The following FBXW7 variants were observed in gnomAD, a reference collection of about 807,000 sequenced individuals.
The protein encoded by FBXW7 is F-box/WD repeat-containing protein 7.
In FBXW7, 11 loss-of-function variants were observed where a neutral mutation model predicts 86.3. The ratio of observed to expected loss-of-function variants is 0.13; its 90% CI spans 0.08 to 0.21. The LOEUF (loss-of-function observed/expected upper bound fraction) is 0.21, where lower values mean the gene tolerates loss of function less well. Among genes scored for constraint, FBXW7 ranks in the 10% least tolerant of loss-of-function variants. The pLI, the probability that FBXW7 is intolerant of heterozygous loss-of-function variation, is 1.00. For synonymous variants in FBXW7, 313 were observed against 297.9 expected, an observed-to-expected ratio of 1.05 and a Z score of -0.52; for missense variants, 488 against 847.4, an observed-to-expected ratio of 0.58 and a Z score of 5.27.
chr4:152,330,952 A>T, intron 8 of FBXW7, 84 bp from the exon 9 acceptor site: 1 of 1,371,050 alleles, frequency 7.3e-7, no homozygotes, highest in Non-Finnish European at 9.9e-7. Context: ...CTTTATAAAG[A>T]GTATTCCATC....
intron 4 of FBXW7, among the ~76,000 whole-genome samples, chr4:152,392,091 A>G (rs1736043098): frequency 6.6e-6 from 1 of 152,206 alleles, no homozygotes; most frequent in Non-Finnish European, 1.5e-5. Context: ...AAACAGGAAT[A>G]ACATCAAAGA....
chr4:152,456,381 A>C (rs1315387294), intron 2 of FBXW7, among the ~76,000 whole-genome samples: 4 of 150,012 alleles, frequency 2.7e-5, no homozygotes, highest in African/African-American at 7.3e-5. Flanking sequence ...AAAAAAAAAA[A>C]AAAAAACAGC....
At chr4:152,449,390 A>T (rs1741706529) in intron 2 of FBXW7, among the ~76,000 whole-genome samples, 1 of 152,206 alleles carries the variant, frequency 6.6e-6, no homozygotes, top group Non-Finnish European at 1.5e-5. Flanking sequence ...TAACTGAATA[A>T]AATATACAAG....
At chr4:152,357,094 A>T (rs1578978828) in intron 4 of FBXW7, among the ~76,000 whole-genome samples, 1 of 152,182 alleles carries the variant, frequency 6.6e-6, no homozygotes, top group Non-Finnish European at 1.5e-5. Context: ...CTTTAGTTCA[A>T]AACTACCATC....
At chr4:152,348,565 T>C (rs1190392110) in intron 5 of FBXW7, 4 of 194,490 alleles carry the variant, frequency 2.1e-5, no homozygotes, top group Non-Finnish European at 3.1e-5. Context: ...GCTTTGTCAA[T>C]ATAAAAAGTG....
chr4:152,408,528 G>C (rs1737637173), intron 4 of FBXW7, among the ~76,000 whole-genome samples: 1 of 152,154 alleles, frequency 6.6e-6, no homozygotes, highest in Non-Finnish European at 1.5e-5. Flanking sequence ...ATTTGTTCCT[G>C]ATTACTTTAG....
Position 152,382,754 on chromosome 4 carries a change from AC to A in FBXW7, c.501+28548del, listed in dbSNP as rs1248531666. On this transcript the variant is annotated intron_variant, in intron 4 of 13. Transcript: ENST00000281708. Reference sequence around the variant, plus strand: ...TACTTACAAAAATAAAATAAAAAAAACAAACATTGTATCTTGAGTATCTATT... The same window carrying A: ...TACTTACAAAAATAAAATAAAAAAAAAAACATTGTATCTTGAGTATCTATT... Among the ~76,000 whole-genome samples the A allele has an allele frequency of 4.6e-5, 7 of 152,172 alleles. No individual in the cohort carries two copies. The East Asian group carries it at 5.8e-4, about 13-fold the overall frequency.
At chr4:152,424,178 T>TA (rs1739178179) in intron 2 of FBXW7, among the ~76,000 whole-genome samples, 1 of 152,132 alleles carries the variant, frequency 6.6e-6, no homozygotes, top group Admixed American at 6.5e-5. Flanking sequence ...GGAAGCTGCT[T>TA]ATTTTAAAAT....
intron 2 of FBXW7, among the ~76,000 whole-genome samples, chr4:152,515,729 G>C (rs1361854794): frequency 6.7e-6 from 1 of 150,320 alleles, no homozygotes; most frequent in African/African-American, 2.4e-5. Context: ...CAGATATTGT[G>C]GCTGGAAGAA....
At chr4:152,343,809 G>C (rs1730982372) in intron 6 of FBXW7, among the ~76,000 whole-genome samples, 1 of 151,620 alleles carries the variant, frequency 6.6e-6, no homozygotes, top group Non-Finnish European at 1.5e-5. Flanking sequence ...AAATTCAAAT[G>C]GTATAAACTT....
chr4:152,405,004 A>C (rs148234576), intron 4 of FBXW7, among the ~76,000 whole-genome samples: 2,070 of 147,874 alleles, frequency 0.014, 26 homozygotes, highest in Middle Eastern at 0.038. Context: ...AGGTGGGAGA[A>C]TTGCTTAAGC....
chr4:152,482,059 A>C (rs533137115), intron 2 of FBXW7, among the ~76,000 whole-genome samples: 1 of 152,310 alleles, frequency 6.6e-6, no homozygotes, highest in African/African-American at 2.4e-5. Context: ...TATTTCATCA[A>C]AGAATAATTG....
At chr4:152,513,751 T>A (rs1343189279) in intron 2 of FBXW7, among the ~76,000 whole-genome samples, 1 of 152,216 alleles carries the variant, frequency 6.6e-6, no homozygotes, top group East Asian at 1.9e-4. Flanking sequence ...AATAAAAAAC[T>A]TTACATCTCA....
At chr4:152,405,465 T>C (rs2126856298) in intron 4 of FBXW7, among the ~76,000 whole-genome samples, 1 of 152,238 alleles carries the variant, frequency 6.6e-6, no homozygotes, top group Middle Eastern at 3.4e-3. Context: ...TGGTAAGATA[T>C]TGGAAGACTT....
intron 2 of FBXW7, among the ~76,000 whole-genome samples, chr4:152,494,618 AG>A (rs1054952455): frequency 2.0e-5 from 3 of 152,200 alleles, no homozygotes; most frequent in Admixed American, 2.0e-4. Flanking sequence ...AAAAATCAGT[AG>A]ATTTGAGGAG....
chr4:152,465,477 T>C (rs1743321590), intron 2 of FBXW7, among the ~76,000 whole-genome samples: 1 of 152,180 alleles, frequency 6.6e-6, no homozygotes. Context: ...AATAAGTTTT[T>C]CATTTCCTTT....
At chr4:152,478,722 C>T (rs764726514) in intron 2 of FBXW7, among the ~76,000 whole-genome samples, 2 of 152,070 alleles carry the variant, frequency 1.3e-5, no homozygotes, top group African/African-American at 2.4e-5. Flanking sequence ...ACATCCTTCC[C>T]AATCCTTGCT....
At chr4:152,524,718 C>A (rs1181219482) in intron 2 of FBXW7, among the ~76,000 whole-genome samples, 1 of 152,068 alleles carries the variant, frequency 6.6e-6, no homozygotes, top group Non-Finnish European at 1.5e-5. Context: ...CACCTCTGTA[C>A]AACCCCACTC....
At chr4:152,395,153 A>G (rs1459761642) in intron 4 of FBXW7, among the ~76,000 whole-genome samples, 1 of 152,076 alleles carries the variant, frequency 6.6e-6, no homozygotes, top group Admixed American at 6.6e-5. Context: ...AGTGTTTTGC[A>G]AACTTCAGTT....
Sources: allele counts gnomAD v4.1 joint callset (sites outside exome capture counted in the v4.1 genomes callset), GRCh38; gene constraint gnomAD v4.1.1; transcripts MANE v1.5; gene names NCBI Gene and HGNC (gene_info 2026-07-23, HGNC 2026-07-21).